CSMD3: variants seen among roughly 807,000 people sequenced by gnomAD.
CSMD3 encodes the protein CUB and Sushi multiple domains 3.
In CSMD3, 177 loss-of-function variants were observed where a neutral mutation model predicts 435.2. The ratio of observed to expected loss-of-function variants is 0.41; its 90% CI spans 0.36 to 0.46. The LOEUF is 0.46. Ranked by LOEUF, CSMD3 falls within the 20% of genes least tolerant of loss-of-function variation. CSMD3 has a pLI of 0.34. For missense variants in CSMD3, 4,265 were observed against 4,504.6 expected, an observed-to-expected ratio of 0.95 and a Z score of 1.52; for synonymous variants, 1,656 against 1,520.5, an observed-to-expected ratio of 1.09 and a Z score of -2.07.
chr8:113,117,727 A>T (rs1018760096), intron 4 of CSMD3, among the ~76,000 whole-genome samples: 3 of 152,234 alleles, frequency 2.0e-5, no homozygotes, highest in African/African-American at 7.2e-5. Context: ...GCCCAAGGCC[A>T]TGGGAGCCCA....
intron 13 of CSMD3, among the ~76,000 whole-genome samples, chr8:112,794,790 A>C (rs561668287): frequency 3.9e-4 from 60 of 152,300 alleles, no homozygotes; most frequent in African/African-American, 1.3e-3. Flanking sequence ...CCTTGAAATT[A>C]ACGTACCCAT....
chr8:112,434,583 T>C (rs1563941425), intron 32 of CSMD3, among the ~76,000 whole-genome samples: 2 of 152,080 alleles, frequency 1.3e-5, no homozygotes, highest in African/African-American at 4.8e-5. Flanking sequence ...CAGAATAAGA[T>C]TGTAAAGTCT....
chr8:112,911,231 C>T (rs1377943884), intron 10 of CSMD3, among the ~76,000 whole-genome samples: 1 of 150,476 alleles, frequency 6.6e-6, no homozygotes, highest in South Asian at 2.1e-4. Flanking sequence ...CATCTTCCTT[C>T]TTTTATATTT....
At chr8:112,712,899 T>C (rs1458257973) in intron 13 of CSMD3, among the ~76,000 whole-genome samples, 2 of 152,014 alleles carry the variant, frequency 1.3e-5, no homozygotes, top group Non-Finnish European at 2.9e-5. Flanking sequence ...CAACTCAACA[T>C]TTGGGGAAGC....
chr8:113,286,857 A>G, intron 2 of CSMD3, among the ~76,000 whole-genome samples: 1 of 152,018 alleles, frequency 6.6e-6, no homozygotes, highest in Admixed American at 6.6e-5. Flanking sequence ...GAAGCAAAAT[A>G]GACATGGATG....
intron 3 of CSMD3, among the ~76,000 whole-genome samples, chr8:113,182,403 T>A (rs78712689): frequency 6.6e-6 from 1 of 151,764 alleles, no homozygotes; most frequent in African/African-American, 2.4e-5. Context: ...TCTGAATAGG[T>A]TGATACATAT....
intron 22 of CSMD3, among the ~76,000 whole-genome samples, chr8:112,609,155 A>T (rs1833033042): frequency 7.4e-6 from 1 of 134,858 alleles, no homozygotes; most frequent in Non-Finnish European, 1.5e-5. Flanking sequence ...TGAGCCAAAG[A>T]CGCACCACTG....
chr8:113,159,094 G>A (rs1417872032), intron 4 of CSMD3, among the ~76,000 whole-genome samples: 2 of 151,826 alleles, frequency 1.3e-5, no homozygotes, highest in African/African-American at 4.8e-5. Flanking sequence ...AAAGCCATGT[G>A]GTGAGTATAA....
rs186745982 is a variant in CSMD3, at chr8:112,251,015, A to C, written c.10110+3238T>G. Among the ~76,000 whole-genome samples, 983 of 151,828 alleles carry C rather than the reference A, an allele frequency of 6.5e-3. 3 individuals carry two copies. Among genetic ancestry groups the C allele is most frequent in the Non-Finnish European group, 9.5e-3 (644 of 67,740 alleles). ...TAGACATTTTGTATACATTTTGAACATTCTCAGTAAGCTCTATTTTCCCTT... is the reference window on the plus strand; with the variant it reads ...TAGACATTTTGTATACATTTTGAACCTTCTCAGTAAGCTCTATTTTCCCTT... On this transcript the variant is annotated intron_variant, in intron 63 of 70. Coordinates refer to ENST00000297405, the MANE Select transcript of CSMD3 (RefSeq NM_198123.2).
At chr8:113,188,584 G>C (rs978363635) in intron 3 of CSMD3, among the ~76,000 whole-genome samples, 1 of 151,942 alleles carries the variant, frequency 6.6e-6, no homozygotes, top group Non-Finnish European at 1.5e-5. Flanking sequence ...TGCCCTTCTA[G>C]AGTAATGCTC....
chr8:113,314,890 C>A, intron 1 of CSMD3, 97 bp from the exon 2 acceptor site: 1 of 779,088 alleles, frequency 1.3e-6, no homozygotes, highest in Non-Finnish European at 2.1e-6. Flanking sequence ...TTTCCAAGAC[C>A]AAAGTTAACA....
At chr8:112,391,782 G>A (rs866755259) in intron 35 of CSMD3, among the ~76,000 whole-genome samples, 7 of 152,052 alleles carry the variant, frequency 4.6e-5, no homozygotes, top group Admixed American at 1.3e-4. Flanking sequence ...ACTTGAAGTG[G>A]TCCCAGTTTA....
rs377340658 is a variant in CSMD3, at chr8:113,328,378, C to A, written c.179-13585G>T. Among the ~76,000 whole-genome samples the A allele has an allele frequency of 8.0e-3, 1,148 of 143,892 alleles. 18 individuals carry two copies. The highest frequency in any genetic ancestry group is 0.028 in the African/African-American group (1,076 of 38,344). The allele number at this position is 143,892 out of a possible 152,430, so 94.4% of individuals were successfully genotyped here. A position where few individuals can be genotyped will look rare whatever the true frequency, so the allele number is the denominator to read the frequency against. The stretch of plus-strand genomic sequence containing the variant: ...GCGTGAATCCGGGAGGCGGAGCTTG[C>A]AGTGAGCCGAGATCCCGCCACTGCA... On this transcript the variant is annotated intron_variant, in intron 1 of 70. Transcript: ENST00000297405.
rs147429662 is a variant in CSMD3, at chr8:113,096,135, A to T, written c.917+2621T>A. ...TTTAGAAGTTCAGCCCACACCTTTG[A>T]CTTGAAACTAAGATTTGTATATCCA... On this transcript the variant is annotated intron_variant, in intron 5 of 70. Coordinates refer to ENST00000297405, the MANE Select transcript of CSMD3 (RefSeq NM_198123.2). Among the ~76,000 whole-genome samples, 898 of 152,214 alleles carry T rather than the reference A, an allele frequency of 5.9e-3. 4 individuals carry two copies. Among genetic ancestry groups the T allele is most frequent in the African/African-American group, 0.019 (799 of 41,540 alleles).
chr8:112,243,732 C>T (rs1276865864), intron 65 of CSMD3, among the ~76,000 whole-genome samples: 2 of 152,204 alleles, frequency 1.3e-5, no homozygotes, highest in East Asian at 3.9e-4. Flanking sequence ...TTTATGTTCA[C>T]CTGGTACCTC....
At chr8:112,552,482 C>T in intron 26 of CSMD3, 112 bp downstream of exon 26, 1 of 1,128,068 alleles carries the variant, frequency 8.9e-7, no homozygotes, top group South Asian at 1.3e-5. Flanking sequence ...AAGACTCTGC[C>T]TCAAGAAAAA....
At chr8:112,363,665 C>T (rs28588518) in intron 38 of CSMD3, among the ~76,000 whole-genome samples, 4,983 of 151,920 alleles carry the variant, frequency 0.033, 103 homozygotes, top group Non-Finnish European at 0.043. Context: ...ACTATCTCTA[C>T]GTCATCATCA....
At chr8:113,361,408 T>C (rs577749945) in intron 1 of CSMD3, among the ~76,000 whole-genome samples, 1 of 152,284 alleles carries the variant, frequency 6.6e-6, no homozygotes, top group East Asian at 1.9e-4. Context: ...CATTATAATA[T>C]ATAAATTTCC....
At chr8:113,049,812 G>T (rs1452022493) in intron 5 of CSMD3, among the ~76,000 whole-genome samples, 2 of 152,116 alleles carry the variant, frequency 1.3e-5, no homozygotes, top group Non-Finnish European at 2.9e-5. Flanking sequence ...TTGATAAAGA[G>T]AATATTTTCA....
Sources: gnomAD v4.1 joint callset for allele counts (sites outside exome capture counted in the v4.1 genomes callset) on GRCh38, gnomAD v4.1.1 for gene constraint, MANE v1.5 for transcripts, NCBI Gene and HGNC (gene_info 2026-07-23, HGNC 2026-07-21) for gene names.